Variants in ARHGEF10 observed in about 807,000 individuals in gnomAD.
ARHGEF10 encodes Rho guanine nucleotide exchange factor 10, also known as Rho guanine nucleotide exchange factor (GEF) 10.
In ARHGEF10, 140 loss-of-function variants were observed where a neutral mutation model predicts 147.4. That is an observed-to-expected ratio of 0.95 (90% CI 0.83 to 1.09). The LOEUF (loss-of-function observed/expected upper bound fraction) is 1.09, where lower values mean the gene tolerates loss of function less well. ARHGEF10 is among the 50% of genes least tolerant of loss of function. ARHGEF10 has a pLI of 0.00. For synonymous variants in ARHGEF10, 902 were observed against 695.8 expected (o/e 1.30, Z -4.67); for missense variants, 2,222 against 1,752.7 (o/e 1.27, Z -4.78).
chr8:1,929,173 G>C (rs1585575613), intron 24 of ARHGEF10, 113 bp from the exon 25 acceptor site: 2 of 1,197,648 alleles, frequency 1.7e-6, no homozygotes, highest in East Asian at 2.4e-5. Context: ...CCTAGGAATG[G>C]AGAAGGAAGG....
intron 8 of ARHGEF10, among the ~76,000 whole-genome samples, chr8:1,877,235 T>A (rs1430232726): frequency 6.6e-6 from 1 of 152,206 alleles, no homozygotes; most frequent in African/African-American, 2.4e-5. Context: ...TTTTTTCTTT[T>A]TCTTTTTTTT....
intron 26 of ARHGEF10, among the ~76,000 whole-genome samples, chr8:1,942,281 G>A (rs1380678831): frequency 2.7e-5 from 4 of 150,246 alleles, no homozygotes; most frequent in Non-Finnish European, 4.4e-5. Flanking sequence ...GAAAAGTAAC[G>A]CTATTAAAGG....
chr8:1,945,722 G>C (rs147806569), intron 27 of ARHGEF10, 67 bp downstream of exon 27: 4 of 1,595,618 alleles, frequency 2.5e-6, no homozygotes, highest in Non-Finnish European at 3.4e-6. Flanking sequence ...GGTGCGGAGC[G>C]CTGTCAGCCC....
In ARHGEF10 at chr8:1,876,363, T is replaced by G. The variant is rs186612422; in HGVS notation, c.680-208T>G. 3.9e-3 allele frequency: 2,382 copies of G among 612,434 alleles called. 52 individuals carry two copies. The Admixed American group carries it at 0.042, about 11-fold the overall frequency. 37.9% of individuals were successfully genotyped at this position (612,434 alleles called of 1,614,324 possible). A position where few individuals can be genotyped will look rare whatever the true frequency, so the allele number is the denominator to read the frequency against. On this transcript the variant is annotated intron_variant, in intron 7 of 28. Coordinates refer to ENST00000349830, the MANE Select transcript of ARHGEF10 (RefSeq NM_014629.4). ...TTGTGAGAAACACCTGAAGTGCTTT[T>G]CCCCAGCCTCCCCGGCCCTGCCCGG...
intron 2 of ARHGEF10, among the ~76,000 whole-genome samples, chr8:1,856,903 G>T (rs1286125159): frequency 6.6e-6 from 1 of 152,202 alleles, no homozygotes; most frequent in Non-Finnish European, 1.5e-5. Context: ...TCCTGGGTGT[G>T]CCGGGTGGTG....
At chr8:1,940,270 C>T (rs1813978702) in intron 26 of ARHGEF10, among the ~76,000 whole-genome samples, 1 of 152,252 alleles carries the variant, frequency 6.6e-6, no homozygotes, top group Non-Finnish European at 1.5e-5. Context: ...AAACAGTTTT[C>T]CAGGGAGTAA....
At chr8:1,898,706 G>A (rs529036829) in intron 15 of ARHGEF10, among the ~76,000 whole-genome samples, 181 bp downstream of exon 15, 1 of 152,310 alleles carries the variant, frequency 6.6e-6, no homozygotes, top group East Asian at 1.9e-4. Flanking sequence ...GTCACCCTAC[G>A]CCGGGGGCAG....
chr8:1,938,377 G>A (rs1813795047), intron 26 of ARHGEF10, among the ~76,000 whole-genome samples: 1 of 152,152 alleles, frequency 6.6e-6, no homozygotes, highest in Admixed American at 6.6e-5. Context: ...GACTACAGCT[G>A]CTTAAAGTGC....
rs949994260 is a variant in ARHGEF10, at chr8:1,896,258, A to G, written c.1441-75A>G. The G allele has an allele frequency of 1.5e-5, 16 of 1,081,276 alleles. No individual in the cohort carries two copies. The African/African-American group carries it at 2.5e-4, about 17-fold the overall frequency. The allele number at this position is 1,081,276 out of a possible 1,614,324, so 67.0% of individuals were successfully genotyped here. A position where few individuals can be genotyped will look rare whatever the true frequency, so the allele number is the denominator to read the frequency against. ...AAAGAGTATTTTGAGGGCGAGTTTC[A>G]AATCTTCTGTTTTATGTTGGAAAAG... On this transcript the variant is annotated intron_variant, in intron 13 of 28. Coordinates refer to ENST00000349830, the MANE Select transcript of ARHGEF10 (RefSeq NM_014629.4).
At chr8:1,943,107 A>G (rs1424648415) in intron 26 of ARHGEF10, among the ~76,000 whole-genome samples, 1 of 152,236 alleles carries the variant, frequency 6.6e-6, no homozygotes, top group African/African-American at 2.4e-5. Flanking sequence ...GTAGCTGAGA[A>G]GTTAGCAGAA....
At chr8:1,939,938 C>T (rs765645058) in intron 26 of ARHGEF10, among the ~76,000 whole-genome samples, 10 of 152,168 alleles carry the variant, frequency 6.6e-5, no homozygotes, top group East Asian at 1.9e-4. Context: ...TTGCAGCAGA[C>T]GGTGCTGAGC....
chr8:1,876,972 A>G (rs1807763162), intron 8 of ARHGEF10, among the ~76,000 whole-genome samples: 1 of 152,266 alleles, frequency 6.6e-6, no homozygotes, highest in African/African-American at 2.4e-5. Context: ...AAGGTCTTAA[A>G]TGAGCTCACC....
Position 1,849,236 on chromosome 8 carries a change from G to A in ARHGEF10, c.37+5800G>A, listed in dbSNP as rs531885746. 3.4e-4 allele frequency among the ~76,000 whole-genome samples: 51 copies of A among 151,852 alleles called. No homozygotes were observed. In the South Asian group the frequency reaches 4.2e-3, roughly 13 times the overall value. On this transcript the variant is annotated intron_variant, in intron 2 of 28. Transcript: ENST00000349830. ...GTAAATGCTGAGAAGGGTGTGGGGC[G>A]GCTGCGGGGACACAGACGGCAAATG... is the stretch of plus-strand genomic sequence containing the variant.
intron 18 of ARHGEF10, 76 bp from the exon 19 acceptor site, chr8:1,922,887 CT>C: frequency 9.7e-7 from 1 of 1,027,132 alleles, no homozygotes; most frequent in Non-Finnish European, 1.5e-6. Context: ...GTATTTGAGT[CT>C]TTTCTTCCCT....
intron 1 of ARHGEF10, among the ~76,000 whole-genome samples, chr8:1,840,639 C>T (rs974035743): frequency 6.7e-6 from 1 of 148,894 alleles, no homozygotes; most frequent in Non-Finnish European, 1.5e-5. Flanking sequence ...GGGGACTGTC[C>T]GACGTGGGGA....
At chr8:1,892,415 AT>A (rs1809616240) in intron 11 of ARHGEF10, among the ~76,000 whole-genome samples, 1 of 150,666 alleles carries the variant, frequency 6.6e-6, no homozygotes. Context: ...AGAAGGGTTG[AT>A]TTTTGTCTTT....
At position 1,874,603 on chromosome 8, in the gene ARHGEF10, G is replaced by A. The variant is rs561711306; in HGVS notation, c.680-1968G>A. On this transcript the variant is annotated intron_variant, in intron 7 of 28. Transcript: ENST00000349830. ...AGGGACAGTCCAGATACATACCGGG[G>A]TGTGTAGCGGGTGGAGGTTCTAAGA... Among the ~76,000 whole-genome samples the A allele has an allele frequency of 2.0e-5, 3 of 152,344 alleles. No homozygotes were observed. The South Asian group carries it at 6.2e-4, about 32-fold the overall frequency.
chr8:1,944,436 A>G (rs1814392319), intron 26 of ARHGEF10, among the ~76,000 whole-genome samples: 1 of 152,218 alleles, frequency 6.6e-6, no homozygotes. Flanking sequence ...CTGAAGTCGC[A>G]TCCCTGAATT....
At chr8:1,906,134 G>A (rs1359110332) in intron 17 of ARHGEF10, among the ~76,000 whole-genome samples, 1 of 152,264 alleles carries the variant, frequency 6.6e-6, no homozygotes, top group African/African-American at 2.4e-5. Flanking sequence ...AAGAAAATGA[G>A]TTATTTTCAC....
Sources: gnomAD v4.1 joint callset for allele counts (sites outside exome capture counted in the v4.1 genomes callset) on GRCh38, gnomAD v4.1.1 for gene constraint, MANE v1.5 for transcripts, NCBI Gene and HGNC (gene_info 2026-07-23, HGNC 2026-07-21) for gene names.